GSTT2B: variants seen among roughly 807,000 people sequenced by gnomAD.
The protein encoded by GSTT2B is glutathione S-transferase theta 2B.
GSTT2B carries 4 observed loss-of-function variants against 16.6 expected under a neutral mutation model. The ratio of observed to expected loss-of-function variants is 0.24; its 90% CI spans 0.12 to 0.55. GSTT2B has a LOEUF of 0.55. Ranked by LOEUF, GSTT2B falls within the 20% of genes least tolerant of loss-of-function variation. The pLI is 0.94. For synonymous variants in GSTT2B, 9 were observed against 110.9 expected (o/e 0.08, Z 5.77); for missense variants, 27 against 266.1 (o/e 0.10, Z 6.25).
chr22:23,960,187 C>T (rs1310476201), intron 2 of GSTT2B, 107 bp downstream of exon 2: 4 of 1,365,566 alleles, frequency 2.9e-6, no homozygotes, highest in Non-Finnish European at 4.2e-6. Flanking sequence ...TTTCCCCTCC[C>T]TCGCTGCCCC....
intron 2 of GSTT2B, among the ~76,000 whole-genome samples, chr22:23,959,442 G>A (rs1304136330): frequency 6.9e-5 from 7 of 102,026 alleles, no homozygotes; most frequent in East Asian, 2.7e-4. Context: ...GAGGCCCTGC[G>A]GCTCAGAAAA....
At chr22:23,958,202 TG>T in intron 4 of GSTT2B, 82 bp downstream of exon 4, 1 of 650,710 alleles carries the variant, frequency 1.5e-6, no homozygotes, top group Non-Finnish European at 2.7e-6. Flanking sequence ...GGCAAAGTTC[TG>T]GCTTTCTCCA....
rs1336649944 is a variant in GSTT2B, at chr22:23,960,377, C to T, written c.117G>A (p.Gln39=). 4 of 1,610,470 alleles carry T rather than the reference C, an allele frequency of 2.5e-6. No homozygotes were observed. The Admixed American group carries it at 6.7e-5, about 27-fold the overall frequency. Residue 39 remains glutamine (Q), a synonymous_variant, in exon 2 of 5, where the codon CAG becomes CAA. Transcript: ENST00000290765. ...ELRTVDLVKG[Q]HKSKEFLQIN... ...TCTGCAAGAACTCCTTGCTCTTGTG[C>T]TGCCCTGAAGAGGAAGAAGTCAGAA...
At position 23,958,632 on chromosome 22, in the gene GSTT2B, CTGCAGGTCAGA is replaced by C. The variant is rs1289101018; in HGVS notation, c.259_269del (p.Ser87GlyfsTer7). ...GGTACTCATGAACACGGGCACGAGC[CTGCAGGTCAGA>C]TGGATACCAGTGGTCCGGCGTCTGG... is the stretch of plus-strand genomic sequence containing the variant. On this transcript the variant is annotated frameshift_variant, in exon 3 of 5. Transcript: ENST00000290765. LOFTEE classifies it high-confidence loss of function. 2.0e-5 allele frequency: 18 copies of C among 921,702 alleles called. No homozygotes were observed. The highest frequency in any genetic ancestry group is 2.4e-4 in the Middle Eastern group (1 of 4,148). The allele number at this position is 921,702 out of a possible 1,614,324, so 57.1% of individuals were successfully genotyped here.
Position 23,960,072 on chromosome 22 carries a change from A to G in GSTT2B, c.200+222T>C, listed in dbSNP as rs190944511. Among the ~76,000 whole-genome samples the G allele has an allele frequency of 9.0e-3, 1,335 of 148,602 alleles. 70 individuals carry two copies. Among genetic ancestry groups the G allele is most frequent in the Admixed American group, 0.072 (1,071 of 14,792 alleles). ...AGTAGAGACGGTGTTTCACGGTGTT[A>G]GCCAGGATGGTCTCGGTCTCCTGAC... On this transcript the variant is annotated intron_variant, in intron 2 of 4. Coordinates refer to ENST00000290765, the MANE Select transcript of GSTT2B (RefSeq NM_001080843.4).
chr22:23,959,144 T>A (rs2033808581), intron 2 of GSTT2B, among the ~76,000 whole-genome samples: 1 of 121,266 alleles, frequency 8.2e-6, no homozygotes, highest in Admixed American at 8.9e-5. Flanking sequence ...CGCGCTTGGG[T>A]CAGGGATCAC....
chr22:23,960,012 C>T (rs1394697836), intron 2 of GSTT2B, among the ~76,000 whole-genome samples: 1 of 142,168 alleles, frequency 7.0e-6, no homozygotes, highest in African/African-American at 2.6e-5. Flanking sequence ...TACAGACGCC[C>T]GCCACCACGC....
At chr22:23,960,432 C>T in intron 1 of GSTT2B, 51 bp from the exon 2 acceptor site, 1 of 1,520,640 alleles carries the variant, frequency 6.6e-7, no homozygotes, top group African/African-American at 1.4e-5. Context: ...CGCTGCACCT[C>T]TACACCCTCC....
chr22:23,960,065 C>T (rs1341328842), intron 2 of GSTT2B, among the ~76,000 whole-genome samples: 12 of 149,074 alleles, frequency 8.0e-5, no homozygotes, highest in Admixed American at 6.0e-4. Context: ...CGGTGTTTCA[C>T]GGTGTTAGCC....
At chr22:23,959,958 G>T (rs1387244356) in intron 2 of GSTT2B, among the ~76,000 whole-genome samples, 1 of 119,756 alleles carries the variant, frequency 8.4e-6, no homozygotes. Context: ...CCGCTTCCTG[G>T]GTTCACACCA....
intron 2 of GSTT2B, among the ~76,000 whole-genome samples, chr22:23,959,867 G>A (rs1259085399): frequency 3.5e-5 from 3 of 84,972 alleles, no homozygotes; most frequent in African/African-American, 1.1e-4. Context: ...GTAAACCACC[G>A]CGCCCGGCCT....
chr22:23,958,685 A>ATGGCCTGT lies in GSTT2B; in HGVS notation c.216_217insACAGGCCA (p.Tyr73ThrfsTer5). On this transcript the variant is annotated frameshift_variant, in exon 3 of 5. Transcript: ENST00000290765. LOFTEE classifies it high-confidence loss of function. ...GGCGTCTGGTACTTACAGCTCAGGT[A>ATGGCCTGT]AATCAGGATGGCCGAGCTGGGAACA... The ATGGCCTGT allele has an allele frequency of 1.4e-6, 1 of 708,920 alleles. No individual in the cohort carries two copies. Among genetic ancestry groups the ATGGCCTGT allele is most frequent in the South Asian group, 1.7e-5 (1 of 60,580 alleles). 43.9% of individuals were successfully genotyped at this position (708,920 alleles called of 1,614,324 possible).
intron 2 of GSTT2B, among the ~76,000 whole-genome samples, chr22:23,959,876 CTTTTTG>C (rs2033816690): frequency 1.1e-5 from 1 of 86,984 alleles, no homozygotes; most frequent in Non-Finnish European, 2.7e-5. Flanking sequence ...CGCGCCCGGC[CTTTTTG>C]AGACGGAGTC....
chr22:23,960,164 C>T, intron 2 of GSTT2B, 130 bp downstream of exon 2: 5 of 1,083,860 alleles, frequency 4.6e-6, no homozygotes, highest in Non-Finnish European at 6.9e-6. Flanking sequence ...CGCGCCCGGC[C>T]AGATCCCTCG....
intron 2 of GSTT2B, 100 bp downstream of exon 2, chr22:23,960,194 C>T (rs2033823661): frequency 7.1e-7 from 1 of 1,407,622 alleles, no homozygotes; most frequent in South Asian, 1.2e-5. Flanking sequence ...TCCCTCGCTG[C>T]CCCATGGGGT....
chr22:23,960,647 G>A (rs1342193078), intron 1 of GSTT2B, among the ~76,000 whole-genome samples: 1 of 105,478 alleles, frequency 9.5e-6, no homozygotes, highest in African/African-American at 2.9e-5. Flanking sequence ...GGGGAGGGGA[G>A]GCAAACTGGG....
chr22:23,959,636 G>C (rs1383576824), intron 2 of GSTT2B, among the ~76,000 whole-genome samples: 1 of 102,234 alleles, frequency 9.8e-6, no homozygotes, highest in East Asian at 2.7e-4. Context: ...GGAGTGCAGT[G>C]GTGCTATCTC....
chr22:23,959,679 G>T (rs1243726081), intron 2 of GSTT2B, among the ~76,000 whole-genome samples: 1 of 97,360 alleles, frequency 1.0e-5, no homozygotes, highest in Non-Finnish European at 2.4e-5. Context: ...CTGGGTTCAC[G>T]CCATTCTCCT....
rs2033826762 is a variant in GSTT2B at position 23,960,352 on chromosome 22, T to C, written c.142A>G (p.Ile48Val). The C allele has an allele frequency of 1.2e-6, 2 of 1,611,798 alleles. No individual in the cohort carries two copies. The highest frequency in any genetic ancestry group is 2.7e-5 in the African/African-American group (2 of 74,634). ...GQHKSKEFLQ[I>V]NSLGKLPTLK... ...GTCGGCAGTTTCCCCAGGCTGTTGA[T>C]CTGCAAGAACTCCTTGCTCTTGTGC... The change falls in exon 2 of 5, where the codon ATC becomes GTC. Residue 48 changes from isoleucine to valine, a missense_variant. Physicochemically the swap from Ile to Val is conservative, Grantham distance 29. Transcript: ENST00000290765.
Sources: gnomAD v4.1 joint callset for allele counts (sites outside exome capture counted in the v4.1 genomes callset) on GRCh38, gnomAD v4.1.1 for gene constraint, MANE v1.5 for transcripts, NCBI Gene and HGNC (gene_info 2026-07-23, HGNC 2026-07-21) for gene names.